Variants in PEX3 observed in about 807,000 individuals in gnomAD.
The protein encoded by PEX3 is peroxisomal biogenesis factor 3, also known as peroxin-3.
PEX3 carries 30 observed loss-of-function variants against 55.8 expected under a neutral mutation model. That is an observed-to-expected ratio of 0.54 (90% CI 0.40 to 0.73). The LOEUF (loss-of-function observed/expected upper bound fraction) is 0.73, where lower values mean the gene tolerates loss of function less well. PEX3 is among the 30% of genes least tolerant of loss of function. The probability of loss-of-function intolerance (pLI) is 0.00; values close to 1 mark genes in which losing one functional copy is unlikely to be tolerated. For synonymous variants in PEX3, 135 were observed against 148.4 expected (o/e 0.91, Z 0.66); for missense variants, 351 against 432.8 (o/e 0.81, Z 1.68).
At position 143,476,917 on chromosome 6, in the gene PEX3, G is replaced by C. The variant is rs1458854009; in HGVS notation, c.818+2061G>C. Among the ~76,000 whole-genome samples, 1 of 152,096 alleles carries C rather than the reference G, an allele frequency of 6.6e-6. No individual in the cohort carries two copies. Among genetic ancestry groups the C allele is most frequent in the Non-Finnish European group, 1.5e-5 (1 of 67,980 alleles). On this transcript the variant is annotated intron_variant, in intron 9 of 11. Transcript: ENST00000367591. This position sits in a 1 kb window ranked among gnomAD's most constrained non-coding sequence, Gnocchi z 5.4. The stretch of plus-strand genomic sequence containing the variant: ...AGTCCAACATTTAGAGTTTGGGATC[G>C]GGGGAAGAGCCAGCAAAGGAGACTG...
chr6:143,455,959 G>A (rs931547948), intron 1 of PEX3, among the ~76,000 whole-genome samples: 1 of 152,184 alleles, frequency 6.6e-6, no homozygotes, highest in Non-Finnish European at 1.5e-5. Context: ...TTTTCATCCA[G>A]AAAGAGAAGA....
chr6:143,489,599 G>A lies in PEX3; in HGVS notation c.*373G>A, dbSNP rs1372407490. On this transcript the variant is annotated 3_prime_UTR_variant, in exon 12 of 12. Coordinates refer to ENST00000367591, the MANE Select transcript of PEX3 (RefSeq NM_003630.3). This position sits in a 1 kb window ranked among gnomAD's most constrained non-coding sequence, Gnocchi z 5.5. ...ATTAATACTGAGGAAAAATCTGTTG[G>A]AGACATAGGTCTAGGATGTGTGAAG... 6.5e-6 allele frequency: 1 copy of A among 154,188 alleles called. No individual in the cohort carries two copies. Among genetic ancestry groups the A allele is most frequent in the East Asian group, 1.9e-4 (1 of 5,324 alleles). 9.6% of individuals were successfully genotyped at this position (154,188 alleles called of 1,614,324 possible). A position where few individuals can be genotyped will look rare whatever the true frequency, so the allele number is the denominator to read the frequency against.
At chr6:143,468,681 C>T (rs1780023713) in intron 4 of PEX3, among the ~76,000 whole-genome samples, 1 of 151,764 alleles carries the variant, frequency 6.6e-6, no homozygotes, top group African/African-American at 2.4e-5. Flanking sequence ...TTTTATTATA[C>T]TTTAAGTTCT....
At chr6:143,468,805 C>CCG (rs1780027318) in intron 4 of PEX3, among the ~76,000 whole-genome samples, 1 of 13,158 alleles carries the variant, frequency 7.6e-5, no homozygotes, top group African/African-American at 3.9e-4. Flanking sequence ...ATGCTATCCC[C>CCG]CCCCCCCCCA....
Position 143,471,084 on chromosome 6 carries a change from C to T in PEX3, c.455C>T (p.Thr152Ile), listed in dbSNP as rs1326909418. ...LDNAAVGKNG[T>I]TILAPPDVQQ... ...AATGCAGCAGTTGGCAAAAATGGCA[C>T]TGTAAGTTTAATAGACTTAAATAGA... The change falls in exon 5 of 12, where the codon ACT (threonine) becomes ATT (isoleucine). Residue 152 changes from threonine to isoleucine, a missense_variant and splice_region_variant. By Grantham distance (89) the Thr-to-Ile change is moderately conservative. Transcript: ENST00000367591. The surrounding 1 kb of genome is among the most constrained non-coding windows in gnomAD (Gnocchi z 5.4). The T allele has an allele frequency of 1.2e-6, 2 of 1,613,180 alleles. No homozygotes were observed. The highest frequency in any genetic ancestry group is 3.3e-5 in the Admixed American group (2 of 60,016).
chr6:143,481,003 C>A (rs1015504361), intron 10 of PEX3, among the ~76,000 whole-genome samples: 21 of 149,404 alleles, frequency 1.4e-4, no homozygotes, highest in African/African-American at 5.2e-4. Context: ...GGGAGTGAGA[C>A]CCCCCTGCCC....
intron 4 of PEX3, among the ~76,000 whole-genome samples, chr6:143,469,641 A>C (rs1034665179): frequency 2.0e-5 from 3 of 152,114 alleles, no homozygotes; most frequent in African/African-American, 7.2e-5. Context: ...GTTCACTCTC[A>C]TGGTAGTTTC....
rs1316482127 is a variant in PEX3, at chr6:143,464,486, G to A, written c.287+1489G>A. Among the ~76,000 whole-genome samples, 1 of 151,906 alleles carries A rather than the reference G, an allele frequency of 6.6e-6. No individual in the cohort carries two copies. The highest frequency in any genetic ancestry group is 1.5e-5 in the Non-Finnish European group (1 of 67,878). ...CAAAAAGTAAAAGGAAAATTTAGGA[G>A]TATCAAAAAAACCAAAGGATTAATT... On this transcript the variant is annotated intron_variant, in intron 3 of 11. Transcript: ENST00000367591. This position sits in a 1 kb window ranked among gnomAD's most constrained non-coding sequence, Gnocchi z 5.8.
chr6:143,478,621 C>T (rs1044171392), intron 9 of PEX3, among the ~76,000 whole-genome samples: 1 of 151,954 alleles, frequency 6.6e-6, no homozygotes, highest in Admixed American at 6.6e-5. Flanking sequence ...CAAAAAACCC[C>T]GGTCTCATGT....
intron 2 of PEX3, among the ~76,000 whole-genome samples, chr6:143,461,276 C>G (rs1779915045): frequency 6.6e-6 from 1 of 152,110 alleles, no homozygotes; most frequent in Non-Finnish European, 1.5e-5. Context: ...GGGAGCAGTG[C>G]AAACATGGTG....
chr6:143,478,955 T>A, intron 9 of PEX3, 121 bp from the exon 10 acceptor site: 1 of 607,632 alleles, frequency 1.6e-6, no homozygotes, highest in Non-Finnish European at 3.0e-6. Flanking sequence ...TGATATATTT[T>A]ACAGTATTAG....
chr6:143,474,525 T>C (rs1364465275), intron 8 of PEX3, among the ~76,000 whole-genome samples: 1 of 151,808 alleles, frequency 6.6e-6, no homozygotes, highest in Non-Finnish European at 1.5e-5. Context: ...CTGACTATAC[T>C]AGAAATCTAT....
rs1487062093 is a variant in PEX3, at chr6:143,462,485, A to C, written c.206-431A>C. ...AAACTTTTTAAAAATTAGAATGAAA[A>C]ATGAAGGAAAAAGTATAGCTGAATA... On this transcript the variant is annotated intron_variant, in intron 2 of 11. Transcript: ENST00000367591. The surrounding 1 kb of genome is among the most constrained non-coding windows in gnomAD (Gnocchi z 4.1). Among the ~76,000 whole-genome samples, 1 of 152,196 alleles carries C rather than the reference A, an allele frequency of 6.6e-6. No homozygotes were observed. Among genetic ancestry groups the C allele is most frequent in the African/African-American group, 2.4e-5 (1 of 41,448 alleles).
chr6:143,478,125 T>C (rs531181871), intron 9 of PEX3, among the ~76,000 whole-genome samples: 1 of 152,238 alleles, frequency 6.6e-6, no homozygotes, highest in Admixed American at 6.5e-5. Context: ...TGCTACAGCA[T>C]AGAAGAACCT....
chr6:143,471,410 C>A lies in PEX3; in HGVS notation c.484C>A (p.Gln162Lys), dbSNP rs1780072100. 1 of 1,608,174 alleles carries A rather than the reference C, an allele frequency of 6.2e-7. No homozygotes were observed. Among genetic ancestry groups the A allele is most frequent in the African/African-American group, 1.3e-5 (1 of 74,824 alleles). Residue 162 changes from glutamine (Q) to lysine (K), a missense_variant, in exon 6 of 12, where the codon CAG becomes AAG. By Grantham distance (53) the Gln-to-Lys change is moderately conservative. Transcript: ENST00000367591. The surrounding 1 kb of genome is among the most constrained non-coding windows in gnomAD (Gnocchi z 5.4). ...TTILAPPDVQ[Q>K]QYLSSIQHLL... is the part of the protein sequence containing the mutation. ...AATTCTTGCTCCCCCAGATGTCCAA[C>A]AGCAGTATTTATCAAGTATTCAGCA...
rs1780195268 is a variant in PEX3 at position 143,479,183 on chromosome 6, G to A, written c.926G>A (p.Gly309Asp). ...CCTACTGAACAGGACCTGCAACATG[G>A]TAACTCTATGAATAGGTAAGATGAC... ...FRPTEQDLQH[G>D]NSMNSLSSVS... Residue 309 changes from glycine (G) to aspartate (D), a missense_variant, in exon 10 of 12, where the codon GGT (glycine) becomes GAT (aspartate). Transcript: ENST00000367591. The surrounding 1 kb of genome is among the most constrained non-coding windows in gnomAD (Gnocchi z 4.6). 6.2e-7 allele frequency: 1 copy of A among 1,604,852 alleles called. No homozygotes were observed. The highest frequency in any genetic ancestry group is 8.5e-7 in the Non-Finnish European group (1 of 1,171,846).
rs1044104592 is a variant in PEX3, at chr6:143,486,310, C to G, written c.1038+1062C>G. On this transcript the variant is annotated intron_variant, in intron 11 of 11. Coordinates refer to ENST00000367591, the MANE Select transcript of PEX3 (RefSeq NM_003630.3). The surrounding 1 kb of genome is among the most constrained non-coding windows in gnomAD (Gnocchi z 5.0). ...ATTTAAACCTTACCTTTACCTTTGT[C>G]CTCTTCTGTAGAAGTCCCTGGCTTG... Among the ~76,000 whole-genome samples, 4 of 152,118 alleles carry G rather than the reference C, an allele frequency of 2.6e-5. No homozygotes were observed. The highest frequency in any genetic ancestry group is 6.6e-5 in the Admixed American group (1 of 15,256).
Position 143,489,172 on chromosome 6 carries a change from C to T in PEX3, c.1068C>T (p.Asp356=), listed in dbSNP as rs746611538. ...QDLLTMEQVK[D]FAANVYEAFS... ...TGTTGACAATGGAGCAAGTGAAAGA[C>T]TTTGCTGCTAATGTGTATGAAGCTT... The change falls in exon 12 of 12, where the codon GAC becomes GAT. Residue 356 remains aspartate, a synonymous_variant. Coordinates refer to ENST00000367591, the MANE Select transcript of PEX3 (RefSeq NM_003630.3). This position sits in a 1 kb window ranked among gnomAD's most constrained non-coding sequence, Gnocchi z 5.5. 1.1e-5 allele frequency: 18 copies of T among 1,609,536 alleles called. No individual in the cohort carries two copies. In the East Asian group the frequency reaches 3.8e-4, roughly 34 times the overall value.
rs1780267698 is a variant in PEX3, at chr6:143,483,333, T to G, written c.942-1819T>G. ...GAAGTGTTATAAAGGAGAAGAACAC[T>G]GAACGTATAATAGAAAAATTTAAAC... On this transcript the variant is annotated intron_variant, in intron 10 of 11. Coordinates refer to ENST00000367591, the MANE Select transcript of PEX3 (RefSeq NM_003630.3). This position sits in a 1 kb window ranked among gnomAD's most constrained non-coding sequence, Gnocchi z 4.3. Among the ~76,000 whole-genome samples, 1 of 152,162 alleles carries G rather than the reference T, an allele frequency of 6.6e-6. No individual in the cohort carries two copies. Among genetic ancestry groups the G allele is most frequent in the Non-Finnish European group, 1.5e-5 (1 of 68,022 alleles).
Sources: gnomAD v4.1 joint callset for allele counts (sites outside exome capture counted in the v4.1 genomes callset) on GRCh38, gnomAD v4.1.1 for gene constraint, Gnocchi (gnomAD v3.1) non-coding constraint, MANE v1.5 for transcripts, NCBI Gene and HGNC (gene_info 2026-07-23, HGNC 2026-07-21) for gene names.